Variants in SLC25A12 observed in about 807,000 individuals in gnomAD.
The protein encoded by SLC25A12 is solute carrier family 25 member 12.
In SLC25A12, 32 loss-of-function variants were observed where a neutral mutation model predicts 83.3. The observed-to-expected ratio is 0.38, with a 90% confidence interval of 0.29 to 0.52. The LOEUF is 0.52. Ranked by LOEUF, SLC25A12 falls within the 20% of genes least tolerant of loss-of-function variation. SLC25A12 has a pLI of 0.84. For synonymous variants in SLC25A12, 267 were observed against 291.1 expected (o/e 0.92, Z 0.84); for missense variants, 611 against 835.6 (o/e 0.73, Z 3.31).
rs1690512087 is a variant in SLC25A12, at chr2:171,787,563, T to C, written c.1835+8A>G. On this transcript the variant is annotated splice_region_variant and intron_variant, in intron 17 of 17. Coordinates refer to ENST00000422440, the MANE Select transcript of SLC25A12 (RefSeq NM_003705.5). ...TTTCTTTGTAAAGGAGTTGAGCAGC[T>C]GACTTACAGGCCTCCAAAATCAATG... 1.2e-6 allele frequency: 2 copies of C among 1,606,998 alleles called. No homozygotes were observed. Among genetic ancestry groups the C allele is most frequent in the South Asian group, 2.2e-5 (2 of 90,906 alleles).
chr2:171,797,548 G>A (rs898984490), intron 13 of SLC25A12, among the ~76,000 whole-genome samples: 2 of 152,004 alleles, frequency 1.3e-5, no homozygotes, highest in South Asian at 2.1e-4. Flanking sequence ...TATTAACTAC[G>A]CAACAACAAC....
intron 15 of SLC25A12, chr2:171,788,238 C>A: frequency 3.2e-6 from 1 of 310,550 alleles, no homozygotes; most frequent in Non-Finnish European, 6.0e-6. Flanking sequence ...ATTAATAAGA[C>A]AATTCCCAAG....
At chr2:171,890,977 T>C (rs1685921675) in intron 2 of SLC25A12, among the ~76,000 whole-genome samples, 1 of 152,174 alleles carries the variant, frequency 6.6e-6, no homozygotes, top group Non-Finnish European at 1.5e-5. Flanking sequence ...AATGACGATA[T>C]GCAAAACAGT....
intron 2 of SLC25A12, among the ~76,000 whole-genome samples, chr2:171,874,929 A>G (rs997485742): frequency 6.6e-6 from 1 of 152,202 alleles, no homozygotes; most frequent in Non-Finnish European, 1.5e-5. Flanking sequence ...CTAAGTAACA[A>G]AAGGACCTGA....
intron 1 of SLC25A12, among the ~76,000 whole-genome samples, chr2:171,893,957 C>A (rs1250780328): frequency 6.6e-6 from 1 of 152,096 alleles, no homozygotes; most frequent in Non-Finnish European, 1.5e-5. Context: ...ATTACTCTTC[C>A]TTCACTGACC....
chr2:171,864,929 A>G (rs1039042992), intron 3 of SLC25A12, among the ~76,000 whole-genome samples: 3 of 152,116 alleles, frequency 2.0e-5, no homozygotes, highest in Non-Finnish European at 2.9e-5. Context: ...TTGTATTTGT[A>G]AGGCCCAACA....
chr2:171,886,094 C>G (rs745563350), intron 2 of SLC25A12, among the ~76,000 whole-genome samples: 9 of 152,090 alleles, frequency 5.9e-5, no homozygotes, highest in South Asian at 4.1e-4. Flanking sequence ...TTATTTGCAT[C>G]TTTCTCACTT....
chr2:171,894,149 G>T (rs1290153893), intron 1 of SLC25A12, 54 bp downstream of exon 1: 1 of 1,589,360 alleles, frequency 6.3e-7, no homozygotes, highest in African/African-American at 1.3e-5. Flanking sequence ...CTGCAGGCAG[G>T]GCGCTCGGAA....
intron 5 of SLC25A12, among the ~76,000 whole-genome samples, chr2:171,841,373 C>T (rs1454222994): frequency 1.3e-5 from 2 of 151,794 alleles, no homozygotes; most frequent in African/African-American, 4.8e-5. Context: ...AGCCAAAACA[C>T]CCAGACTGTT....
intron 17 of SLC25A12, among the ~76,000 whole-genome samples, chr2:171,786,986 G>A (rs1007134811): frequency 2.6e-5 from 4 of 152,142 alleles, no homozygotes; most frequent in African/African-American, 4.8e-5. Flanking sequence ...TAATGAGAAC[G>A]CCATGAAGTT....
At chr2:171,812,799 CTTTTTTTTTT>C (rs5836353) in intron 11 of SLC25A12, among the ~76,000 whole-genome samples, 1 of 143,150 alleles carries the variant, frequency 7.0e-6, no homozygotes, top group African/African-American at 2.6e-5. Context: ...AAGGGTTTTC[CTTTTTTTTTT>C]TTTTTTTAAA....
intron 13 of SLC25A12, among the ~76,000 whole-genome samples, chr2:171,806,650 T>G (rs1683838208): frequency 6.6e-6 from 1 of 152,156 alleles, no homozygotes; most frequent in Non-Finnish European, 1.5e-5. Flanking sequence ...TATAGGGAAC[T>G]CAAGGCCTAG....
At chr2:171,808,639 A>AAAGTCTGG (rs2105857518) in intron 13 of SLC25A12, among the ~76,000 whole-genome samples, 1 of 152,352 alleles carries the variant, frequency 6.6e-6, no homozygotes, top group South Asian at 2.1e-4. Context: ...AACTTTTAAA[A>AAAGTCTGG]AAGTCTGGAA....
chr2:171,833,581 T>C (rs1023017474), intron 8 of SLC25A12, among the ~76,000 whole-genome samples: 1 of 152,182 alleles, frequency 6.6e-6, no homozygotes, highest in African/African-American at 2.4e-5. Context: ...TCTTTCCCAC[T>C]TTATGAACCC....
intron 3 of SLC25A12, among the ~76,000 whole-genome samples, chr2:171,858,527 C>T (rs1055239032): frequency 6.6e-6 from 1 of 152,080 alleles, no homozygotes; most frequent in African/African-American, 2.4e-5. Context: ...GAGAAGAGGC[C>T]AAAAACTTCT....
chr2:171,785,027 A>T lies in SLC25A12; in HGVS notation c.*247T>A, dbSNP rs1443864708. ...CAAGCTGTGCAAAGCAGAGTCTAGAACACTAATTCATGCCAAGGCTTACAA... is the reference window on the plus strand; with the variant it reads ...CAAGCTGTGCAAAGCAGAGTCTAGATCACTAATTCATGCCAAGGCTTACAA... On this transcript the variant is annotated 3_prime_UTR_variant, in exon 18 of 18. Coordinates refer to ENST00000422440, the MANE Select transcript of SLC25A12 (RefSeq NM_003705.5). The T allele has an allele frequency of 1.3e-5, 6 of 458,266 alleles. No homozygotes were observed. The highest frequency in any genetic ancestry group is 2.0e-5 in the Non-Finnish European group (5 of 246,684). 28.4% of individuals were successfully genotyped at this position (458,266 alleles called of 1,614,324 possible).
intron 16 of SLC25A12, 43 bp downstream of exon 16, chr2:171,787,746 T>TA (rs1281879337): frequency 6.2e-7 from 1 of 1,613,268 alleles, no homozygotes; most frequent in South Asian, 1.1e-5. Flanking sequence ...GGGAGGACGC[T>TA]AGAGCCAGCC....
At chr2:171,815,346 A>C in intron 9 of SLC25A12, 144 bp from the exon 10 acceptor site, 1 of 661,540 alleles carries the variant, frequency 1.5e-6, no homozygotes, top group Non-Finnish European at 2.8e-6. Context: ...TAAAAGAAGA[A>C]AATAGGATAT....
intron 2 of SLC25A12, among the ~76,000 whole-genome samples, chr2:171,885,546 T>C (rs6433316): frequency 0.82 from 124,161 of 151,700 alleles, 51,848 homozygotes; most frequent in Middle Eastern, 0.91. Flanking sequence ...TAGGCATGTG[T>C]CTGTAATCCC....
Sources: allele counts gnomAD v4.1 joint callset (sites outside exome capture counted in the v4.1 genomes callset), GRCh38; gene constraint gnomAD v4.1.1; transcripts MANE v1.5; gene names NCBI Gene and HGNC (gene_info 2026-07-23, HGNC 2026-07-21).